Variants in SYT7 observed in about 807,000 individuals in gnomAD.
SYT7 encodes the protein synaptotagmin 7, also known as synaptotagmin-7.
Under a neutral mutation model 75.1 loss-of-function variants are expected in SYT7, and 29 were observed. The observed-to-expected ratio is 0.39, with a 90% CI of 0.29 to 0.53. The LOEUF (loss-of-function observed/expected upper bound fraction) is 0.53. SYT7 is among the 20% of genes least tolerant of loss of function. The pLI is 0.77. For missense variants in SYT7, 693 were observed against 953.2 expected (o/e 0.73, Z 3.59); for synonymous variants, 376 against 401.7 (o/e 0.94, Z 0.76).
rs768432008 is a variant in SYT7 at position 61,528,170 on chromosome 11, C to T, written c.1216G>A (p.Glu406Lys). ...SEMLMLSPGS[E>K]EDEAHEGCSR... is the part of the protein sequence containing the mutation. ...CAACCCTCGTGGGCCTCATCCTCCT[C>T]GGAGCCTGGGGAGAGCTGGGGGTGG... Residue 406 changes from glutamate (E) to lysine (K), a missense_variant, in exon 9 of 13, where the codon GAG (glutamate) becomes AAG (lysine). By Grantham distance (56) the Glu-to-Lys change is moderately conservative. Around this residue, in one of 2 missense-constraint regions of SYT7, gnomAD observed 487 missense variants for 593.2 expected, o/e 0.82. Coordinates refer to ENST00000539008, the MANE Select transcript of SYT7 (RefSeq NM_001365809.2). 3.1e-6 allele frequency: 5 copies of T among 1,611,680 alleles called. No individual in the cohort carries two copies. The highest frequency in any genetic ancestry group is 3.4e-6 in the Non-Finnish European group (4 of 1,179,902).
At chr11:61,543,999 C>T (rs1295093557) in intron 5 of SYT7, among the ~76,000 whole-genome samples, 1 of 152,208 alleles carries the variant, frequency 6.6e-6, no homozygotes. Context: ...CACATCTAGC[C>T]TGCTGCTTGT....
At chr11:61,581,734 C>G (rs189304913), upstream of SYT7, among the ~76,000 whole-genome samples, 388 of 152,282 alleles carry the variant, frequency 2.5e-3, 1 homozygote, top group African/African-American at 8.9e-3. Flanking sequence ...CCCAGCCCCA[C>G]GAAAGAAGAA....
intron 4 of SYT7, 35 bp downstream of exon 4, chr11:61,547,142 C>T (rs985240551): frequency 9.8e-6 from 15 of 1,532,878 alleles, no homozygotes; most frequent in Admixed American, 2.0e-5. Flanking sequence ...CGCGGATACT[C>T]GGTACATATG....
chr11:61,523,333 CT>C lies in SYT7; in HGVS notation c.1757-60del. 8 of 1,532,312 alleles carry C rather than the reference CT, an allele frequency of 5.2e-6. No individual in the cohort carries two copies. Among genetic ancestry groups the C allele is most frequent in the Non-Finnish European group, 5.4e-6 (6 of 1,108,210 alleles). 94.9% of individuals were successfully genotyped at this position (1,532,312 alleles called of 1,614,324 possible). ...CGTGGGGGAGGGACTTCCTAGGATC[CT>C]TTTCCCCTTCCAGGAATGGAAGCTG... On this transcript the variant is annotated intron_variant, in intron 11 of 12. Transcript: ENST00000539008. This position sits in a 1 kb window ranked among gnomAD's most constrained non-coding sequence, Gnocchi z 5.0.
intron 1 of SYT7, among the ~76,000 whole-genome samples, chr11:61,566,708 G>A (rs753761393): frequency 6.6e-6 from 1 of 152,238 alleles, no homozygotes; most frequent in African/African-American, 2.4e-5. Context: ...ATGATTAAGT[G>A]TGGGCCTTGA....
chr11:61,530,915 T>G (rs1256049085), intron 8 of SYT7: 2 of 985,298 alleles, frequency 2.0e-6, no homozygotes, highest in Non-Finnish European at 2.4e-6. Context: ...TCCTGAGCGC[T>G]TGCACCAGCA....
At chr11:61,571,873 G>C (rs556250286) in intron 1 of SYT7, among the ~76,000 whole-genome samples, 1 of 152,182 alleles carries the variant, frequency 6.6e-6, no homozygotes. Flanking sequence ...TATGGGGTCA[G>C]ATGGGGACCC....
In SYT7 at chr11:61,523,579, C is replaced by G. The variant is rs1775585911; in HGVS notation, c.1756+248G>C. Among the ~76,000 whole-genome samples, 2 of 152,202 alleles carry G rather than the reference C, an allele frequency of 1.3e-5. No individual in the cohort carries two copies. The highest frequency in any genetic ancestry group is 2.4e-5 in the African/African-American group (1 of 41,448). ...AACCCAGGTCTTCCCACAATGTTCCCTCTTTCTGATTCTTGGAAGAACATA... is the reference window on the plus strand; with the variant it reads ...AACCCAGGTCTTCCCACAATGTTCCGTCTTTCTGATTCTTGGAAGAACATA... On this transcript the variant is annotated intron_variant, in intron 11 of 12. Coordinates refer to ENST00000539008, the MANE Select transcript of SYT7 (RefSeq NM_001365809.2). The surrounding 1 kb of genome is among the most constrained non-coding windows in gnomAD (Gnocchi z 5.0).
At position 61,580,504 on chromosome 11, in the gene SYT7, C is replaced by A. The variant is rs1444397421; in HGVS notation, c.31+286G>T. 6.6e-6 allele frequency among the ~76,000 whole-genome samples: 1 copy of A among 152,186 alleles called. No homozygotes were observed. Among genetic ancestry groups the A allele is most frequent in the Non-Finnish European group, 1.5e-5 (1 of 68,028 alleles). On this transcript the variant is annotated intron_variant, in intron 1 of 12. Coordinates refer to ENST00000539008, the MANE Select transcript of SYT7 (RefSeq NM_001365809.2). The surrounding 1 kb of genome is among the most constrained non-coding windows in gnomAD (Gnocchi z 6.1). Reference sequence around the variant, plus strand: ...CAGGGGCAGCGGCTCCTCGCTCCGCCACACACGTTGTCCTTGGGCTGTTGA... The same window carrying A: ...CAGGGGCAGCGGCTCCTCGCTCCGCAACACACGTTGTCCTTGGGCTGTTGA...
intron 9 of SYT7, chr11:61,525,722 C>T (rs1364404497): frequency 6.6e-6 from 1 of 152,194 alleles, no homozygotes; most frequent in Middle Eastern, 3.2e-3. Context: ...TGCCTAACAC[C>T]GCTTCTGGCA....
Position 61,542,616 on chromosome 11 carries a change from C to G in SYT7, c.573-37G>C. 1 of 1,459,580 alleles carries G rather than the reference C, an allele frequency of 6.9e-7. No homozygotes were observed. Among genetic ancestry groups the G allele is most frequent in the Admixed American group, 2.3e-5 (1 of 42,846 alleles). The allele number at this position is 1,459,580 out of a possible 1,614,324, so 90.4% of individuals were successfully genotyped here. Reference sequence around the variant, plus strand: ...TGGAGGAGAGGAGAGAAAGGAGAAGCAGATGAAGGGATCACAGTGGAAGAG... The same window carrying G: ...TGGAGGAGAGGAGAGAAAGGAGAAGGAGATGAAGGGATCACAGTGGAAGAG... On this transcript the variant is annotated intron_variant, in intron 5 of 12. Transcript: ENST00000539008. The surrounding 1 kb of genome is among the most constrained non-coding windows in gnomAD (Gnocchi z 7.8).
intron 8 of SYT7, among the ~76,000 whole-genome samples, chr11:61,531,457 T>G (rs1565173199): frequency 6.9e-6 from 1 of 145,318 alleles, no homozygotes. Context: ...CCAGTCTTCC[T>G]GGGGGGGGGA....
chr11:61,547,041 G>T, intron 4 of SYT7, 136 bp downstream of exon 4: 2 of 1,136,808 alleles, frequency 1.8e-6, no homozygotes, highest in Non-Finnish European at 2.4e-6. Context: ...TGGGGTGGAT[G>T]GGTGGGGAAG....
At chr11:61,566,042 T>A (rs1398052430) in intron 1 of SYT7, among the ~76,000 whole-genome samples, 1 of 152,198 alleles carries the variant, frequency 6.6e-6, no homozygotes, top group African/African-American at 2.4e-5. Context: ...CATGTCGGGA[T>A]CCACAAGCAC....
Position 61,546,410 on chromosome 11 carries a change from G to C in SYT7, c.348-155C>G, listed in dbSNP as rs1049776249. 1 of 576,892 alleles carries C rather than the reference G, an allele frequency of 1.7e-6. No homozygotes were observed. Among genetic ancestry groups the C allele is most frequent in the Non-Finnish European group, 3.0e-6 (1 of 329,842 alleles). The allele number at this position is 576,892 out of a possible 1,614,324, so 35.7% of individuals were successfully genotyped here. A position where few individuals can be genotyped will look rare whatever the true frequency, so the allele number is the denominator to read the frequency against. ...GAGACAGTGAGAGAGGAGGAGGAGAGAGACAGACGGACATGAGACAGACAG... is the reference window on the plus strand; with the variant it reads ...GAGACAGTGAGAGAGGAGGAGGAGACAGACAGACGGACATGAGACAGACAG... On this transcript the variant is annotated intron_variant, in intron 4 of 12. Coordinates refer to ENST00000539008, the MANE Select transcript of SYT7 (RefSeq NM_001365809.2). This position sits in a 1 kb window ranked among gnomAD's most constrained non-coding sequence, Gnocchi z 7.6.
intron 8 of SYT7, chr11:61,530,940 A>C: frequency 8.1e-6 from 8 of 985,396 alleles, no homozygotes; most frequent in Non-Finnish European, 8.4e-6. Flanking sequence ...TCAGCCTCGA[A>C]AAGCAGCAAG....
chr11:61,554,864 G>C (rs1271885100), intron 2 of SYT7, among the ~76,000 whole-genome samples: 1 of 152,200 alleles, frequency 6.6e-6, no homozygotes, highest in Admixed American at 6.5e-5. Flanking sequence ...ACAGGGAGCA[G>C]AGCTGGCCTC....
At chr11:61,532,909 TC>T in intron 8 of SYT7, 79 bp downstream of exon 8, 1 of 1,580,370 alleles carries the variant, frequency 6.3e-7, no homozygotes, top group Non-Finnish European at 8.6e-7. Flanking sequence ...TGTTAATCAT[TC>T]CCACACACAT....
intron 2 of SYT7, among the ~76,000 whole-genome samples, chr11:61,554,889 C>A (rs1223500077): frequency 6.6e-6 from 1 of 152,166 alleles, no homozygotes; most frequent in South Asian, 2.1e-4. Context: ...ATGGCTCCTC[C>A]CCAGGGGTCG....
Sources: allele counts gnomAD v4.1 joint callset (sites outside exome capture counted in the v4.1 genomes callset), GRCh38; gene constraint gnomAD v4.1.1; regional missense constraint gnomAD v4.1.1; non-coding constraint Gnocchi (gnomAD v3.1); transcripts MANE v1.5; gene names NCBI Gene and HGNC (gene_info 2026-07-23, HGNC 2026-07-21).